TBCK: variants seen among roughly 807,000 people sequenced by gnomAD.
TBCK encodes the protein TBC domain-containing protein kinase-like protein.
In TBCK, 99 loss-of-function variants were observed where a neutral mutation model predicts 113.4. That is an observed-to-expected ratio of 0.87 (90% CI 0.74 to 1.03). TBCK has a LOEUF of 1.03. TBCK is among the 50% of genes least tolerant of loss of function. TBCK has a pLI of 0.00. For synonymous variants in TBCK, 369 were observed against 370.8 expected, an observed-to-expected ratio of 1.00 and a Z score of 0.05; for missense variants, 1,045 against 1,061.3, an observed-to-expected ratio of 0.98 and a Z score of 0.21.
rs181081118 is a variant in TBCK at position 106,065,600 on chromosome 4, C to T, written c.2572-18920G>A. On this transcript the variant is annotated intron_variant, in intron 25 of 25. Transcript: ENST00000394708. ...ACAGCAACAAGGATTAGCACAAAAA[C>T]GGGTCTACCCTGTGAACAGTACCAT... is the stretch of plus-strand genomic sequence containing the variant. 1.6e-3 allele frequency among the ~76,000 whole-genome samples: 238 copies of T among 152,068 alleles called. 1 individual carries two copies. The highest frequency in any genetic ancestry group is 5.3e-3 in the African/African-American group (220 of 41,524).
At chr4:106,182,736 T>C (rs1047042095) in intron 22 of TBCK, 5 of 152,128 alleles carry the variant, frequency 3.3e-5, no homozygotes, top group African/African-American at 1.2e-4. Context: ...AATTATAAAG[T>C]TCCTTATCTT....
At chr4:106,286,093 A>G (rs1267389527) in intron 3 of TBCK, among the ~76,000 whole-genome samples, 2 of 152,236 alleles carry the variant, frequency 1.3e-5, no homozygotes, top group Admixed American at 6.5e-5. Context: ...TCCAAAATGT[A>G]CAAAGAAAAC....
intron 23 of TBCK, among the ~76,000 whole-genome samples, chr4:106,134,209 T>C (rs1579009132): frequency 2.0e-5 from 3 of 152,040 alleles, no homozygotes; most frequent in Admixed American, 2.0e-4. Flanking sequence ...ATAATGTTTC[T>C]AGGAGGGAAA....
chr4:106,124,245 A>C (rs1305996573), intron 23 of TBCK, among the ~76,000 whole-genome samples: 1 of 152,262 alleles, frequency 6.6e-6, no homozygotes, highest in Admixed American at 6.5e-5. Flanking sequence ...AAAACACATG[A>C]AAAATTGCTC....
chr4:106,235,476 T>A, intron 14 of TBCK, 109 bp from the exon 15 acceptor site: 2 of 595,216 alleles, frequency 3.4e-6, no homozygotes, highest in Non-Finnish European at 5.4e-6. Context: ...TTGCAATAAA[T>A]TTCAAAGTAT....
intron 2 of TBCK, among the ~76,000 whole-genome samples, chr4:106,305,508 T>C (rs1017048777): frequency 6.6e-6 from 1 of 151,810 alleles, no homozygotes; most frequent in Non-Finnish European, 1.5e-5. Flanking sequence ...GTTTGATTAA[T>C]ATATATATAT....
intron 3 of TBCK, among the ~76,000 whole-genome samples, chr4:106,271,767 C>A (rs374608932): frequency 0.079 from 11,291 of 143,528 alleles, 481 homozygotes; most frequent in Middle Eastern, 0.17. Flanking sequence ...AAAAAAAAAA[C>A]AAAACAAAAA....
chr4:106,242,521 G>GT lies in TBCK; in HGVS notation c.1118_1119insA (p.Ser373ArgfsTer6). 6.2e-7 allele frequency: 1 copy of GT among 1,609,118 alleles called. No homozygotes were observed. Among genetic ancestry groups the GT allele is most frequent in the Non-Finnish European group, 8.5e-7 (1 of 1,177,776 alleles). The stretch of plus-strand genomic sequence containing the variant: ...TCACAGTGGTATCATCTAAAAGCGA[G>GT]CTTCTATCTCGACCTTGTCCAAAGC... On this transcript the variant is annotated frameshift_variant, in exon 12 of 26. Coordinates refer to ENST00000394708, the MANE Select transcript of TBCK (RefSeq NM_001163435.3). LOFTEE classifies it high-confidence loss of function.
chr4:106,153,635 G>A (rs994802267), intron 23 of TBCK, among the ~76,000 whole-genome samples: 26 of 152,048 alleles, frequency 1.7e-4, no homozygotes, highest in African/African-American at 5.6e-4. Context: ...TTTCTGTCTG[G>A]AAGATGTATC....
intron 22 of TBCK, among the ~76,000 whole-genome samples, chr4:106,178,134 T>TG (rs1751906488): frequency 6.6e-6 from 1 of 152,034 alleles, no homozygotes; most frequent in Admixed American, 6.6e-5. Flanking sequence ...TGTTCACTGT[T>TG]GGTTTAAAGA....
At position 106,244,633 on chromosome 4, in the gene TBCK, G is replaced by A. The variant is rs1760555144; in HGVS notation, c.1063C>T (p.Leu355Phe). ...IIRSKPPICT[L>F]PNFLFEDGES... ...AGAAGTTTCTTTCCTTACTTGGGGA[G>A]TGTGCAGATAGGTGGTTTGGATCGA... Residue 355 changes from leucine (L) to phenylalanine (F), a missense_variant, in exon 11 of 26, where the codon CTC (leucine) becomes TTC (phenylalanine). Leu to Phe is a conservative substitution (Grantham distance 22, BLOSUM62 0). Transcript: ENST00000394708. The A allele has an allele frequency of 1.3e-6, 2 of 1,590,498 alleles. No homozygotes were observed. Among genetic ancestry groups the A allele is most frequent in the Admixed American group, 1.8e-5 (1 of 54,886 alleles).
chr4:106,048,175 A>G (rs1054536468), intron 25 of TBCK, among the ~76,000 whole-genome samples: 7 of 152,068 alleles, frequency 4.6e-5, no homozygotes, highest in South Asian at 2.1e-4. Context: ...CCCATGGACA[A>G]TTTTTTGAAT....
chr4:106,123,917 T>G (rs770838984), intron 23 of TBCK, among the ~76,000 whole-genome samples: 2 of 150,380 alleles, frequency 1.3e-5, no homozygotes, highest in Non-Finnish European at 3.0e-5. Flanking sequence ...AACCTAGGCA[T>G]TACCATTCAG....
At chr4:106,085,173 C>A (rs1321067494) in intron 25 of TBCK, among the ~76,000 whole-genome samples, 1 of 152,060 alleles carries the variant, frequency 6.6e-6, no homozygotes, top group Non-Finnish European at 1.5e-5. Context: ...GGAGTCAAGA[C>A]CCATTGGTGT....
chr4:106,233,787 G>C, intron 15 of TBCK, 137 bp from the exon 16 acceptor site: 1 of 622,106 alleles, frequency 1.6e-6, no homozygotes, highest in Non-Finnish European at 2.7e-6. Flanking sequence ...ACTCAGGGTA[G>C]AACTCATCTT....
At chr4:106,270,052 C>T (rs1346652614) in intron 3 of TBCK, among the ~76,000 whole-genome samples, 1 of 152,094 alleles carries the variant, frequency 6.6e-6, no homozygotes, top group East Asian at 1.9e-4. Flanking sequence ...GCTATCGGCC[C>T]TGCACAGAAT....
chr4:106,187,281 G>GT (rs1753131011), intron 22 of TBCK, among the ~76,000 whole-genome samples: 1 of 151,944 alleles, frequency 6.6e-6, no homozygotes, highest in South Asian at 2.1e-4. Context: ...GATAAATGTT[G>GT]TTGGTAGTTT....
chr4:106,154,377 T>C (rs774840521), intron 23 of TBCK, among the ~76,000 whole-genome samples: 2 of 152,118 alleles, frequency 1.3e-5, no homozygotes, highest in Non-Finnish European at 2.9e-5. Flanking sequence ...CTTTTTAGCT[T>C]TTTGTTTTTC....
At chr4:106,172,362 C>T (rs1751131291) in intron 22 of TBCK, among the ~76,000 whole-genome samples, 1 of 152,074 alleles carries the variant, frequency 6.6e-6, no homozygotes, top group South Asian at 2.1e-4. Flanking sequence ...GACTGTATCT[C>T]TTTAGGAGGC....
Sources: allele counts gnomAD v4.1 joint callset (sites outside exome capture counted in the v4.1 genomes callset), GRCh38; gene constraint gnomAD v4.1.1; transcripts MANE v1.5; gene names NCBI Gene and HGNC (gene_info 2026-07-23, HGNC 2026-07-21).